Variants in PLCB4 observed in about 807,000 individuals in gnomAD.
PLCB4 encodes phospholipase C beta 4, also known as 1-phosphatidylinositol 4,5-bisphosphate phosphodiesterase beta-4.
In PLCB4, 77 loss-of-function variants were observed where a neutral mutation model predicts 178.8. The ratio of observed to expected loss-of-function variants is 0.43; its 90% CI spans 0.36 to 0.52. The LOEUF is 0.52. PLCB4 is among the 20% of genes least tolerant of loss of function. The pLI, the probability that PLCB4 is intolerant of heterozygous loss-of-function variation, is 0.00. For missense variants in PLCB4, 1,024 were observed against 1,453.4 expected, an observed-to-expected ratio of 0.70 and a Z score of 4.80; for synonymous variants, 496 against 490.8, an observed-to-expected ratio of 1.01 and a Z score of -0.14.
In PLCB4 at chr20:9,359,220, C is replaced by T. The variant is rs1000485459; in HGVS notation, c.370-3676C>T. On this transcript the variant is annotated intron_variant, in intron 7 of 39. Coordinates refer to ENST00000378473, the MANE Select transcript of PLCB4 (RefSeq NM_001377142.1). ...TTGTCTATGTCAGTCCTAATGTTCC[C>T]GGGGCAAAGGTGATAGATGGGTAAG... Among the ~76,000 whole-genome samples the T allele has an allele frequency of 1.3e-4, 20 of 152,134 alleles. No homozygotes were observed. The South Asian group carries it at 1.5e-3, about 11-fold the overall frequency.
At chr20:9,247,618 T>TA (rs1456932546) in intron 3 of PLCB4, among the ~76,000 whole-genome samples, 1 of 152,226 alleles carries the variant, frequency 6.6e-6, no homozygotes, top group African/African-American at 2.4e-5. Context: ...GTTGCTTGCA[T>TA]ATAGTGTAGT....
chr20:9,310,655 T>A (rs2094821932), intron 4 of PLCB4, among the ~76,000 whole-genome samples: 1 of 151,998 alleles, frequency 6.6e-6, no homozygotes, highest in Non-Finnish European at 1.5e-5. Context: ...GAGGGTGCAG[T>A]GAGCCAAGAT....
At chr20:9,319,538 GAGTAGGGC>G (rs771005917) in intron 4 of PLCB4, among the ~76,000 whole-genome samples, 3 of 152,126 alleles carry the variant, frequency 2.0e-5, no homozygotes, top group Non-Finnish European at 4.4e-5. Flanking sequence ...CTAGGAAAAC[GAGTAGGGC>G]AGTTCCAGTT....
chr20:9,462,582 G>A (rs544524885), intron 35 of PLCB4, among the ~76,000 whole-genome samples: 1 of 152,180 alleles, frequency 6.6e-6, no homozygotes, highest in South Asian at 2.1e-4. Flanking sequence ...ATGACCTGAC[G>A]GAGCTGAAAA....
chr20:9,421,526 C>T (rs1209472966), intron 27 of PLCB4, 65 bp downstream of exon 27: 21 of 1,309,804 alleles, frequency 1.6e-5, no homozygotes, highest in Middle Eastern at 2.5e-4. Context: ...AGTTCACAGA[C>T]GCTACACGAT....
intron 3 of PLCB4, among the ~76,000 whole-genome samples, chr20:9,224,827 A>C (rs1025441502): frequency 1.3e-5 from 2 of 152,208 alleles, no homozygotes; most frequent in Admixed American, 6.5e-5. Context: ...TAAGCTCAAC[A>C]TTCTACCAAA....
At chr20:9,325,478 A>G (rs952641624) in intron 4 of PLCB4, among the ~76,000 whole-genome samples, 2 of 152,012 alleles carry the variant, frequency 1.3e-5, no homozygotes, top group Non-Finnish European at 2.9e-5. Flanking sequence ...TAATTTCTTC[A>G]CCTCTTTTCT....
chr20:9,384,428 G>A lies in PLCB4; in HGVS notation c.1064+17G>A. 6.3e-7 allele frequency: 1 copy of A among 1,586,858 alleles called. No homozygotes were observed. Among genetic ancestry groups the A allele is most frequent in the Non-Finnish European group, 8.7e-7 (1 of 1,155,254 alleles). ...TGGTTGCAGGTGAGGAACTCAAGAT[G>A]GCAATTTGTTTTTTGTGTGTGATGC... On this transcript the variant is annotated intron_variant, in intron 14 of 39. Coordinates refer to ENST00000378473, the MANE Select transcript of PLCB4 (RefSeq NM_001377142.1).
At chr20:9,264,825 G>T (rs1018354707) in intron 3 of PLCB4, among the ~76,000 whole-genome samples, 6 of 152,110 alleles carry the variant, frequency 3.9e-5, no homozygotes, top group African/African-American at 1.4e-4. Context: ...GTGCAGCCTG[G>T]ACTGTGGGAT....
chr20:9,302,171 T>C (rs950720735), intron 3 of PLCB4, among the ~76,000 whole-genome samples: 14 of 144,072 alleles, frequency 9.7e-5, no homozygotes, highest in Non-Finnish European at 1.7e-4. Context: ...AATCAAAGCC[T>C]TTTTTTTTTT....
At chr20:9,314,033 G>A (rs1030961133) in intron 4 of PLCB4, among the ~76,000 whole-genome samples, 10 of 152,232 alleles carry the variant, frequency 6.6e-5, no homozygotes, top group African/African-American at 2.4e-4. Flanking sequence ...TCAAAGCACA[G>A]CTAAGAGGAA....
intron 2 of PLCB4, among the ~76,000 whole-genome samples, chr20:9,154,905 CTCCTTCCTTCCTTCCT>C (rs771256316): frequency 0.01 from 650 of 62,418 alleles, 9 homozygotes; most frequent in African/African-American, 0.033. Context: ...CCCTCCTTCC[CTCCTTCCTTCCTTCCT>C]TCCTTCCTTC....
intron 3 of PLCB4, among the ~76,000 whole-genome samples, chr20:9,235,743 A>G (rs1036090270): frequency 2.6e-5 from 4 of 152,250 alleles, no homozygotes; most frequent in Non-Finnish European, 5.9e-5. Context: ...TGCTTGGGCA[A>G]GACACACTTC....
At chr20:9,223,090 G>A (rs1255238543) in intron 3 of PLCB4, among the ~76,000 whole-genome samples, 1 of 152,108 alleles carries the variant, frequency 6.6e-6, no homozygotes, top group Non-Finnish European at 1.5e-5. Flanking sequence ...AGGGTAGAAA[G>A]TAGAAAAATT....
At chr20:9,172,338 T>G (rs953471619) in intron 2 of PLCB4, among the ~76,000 whole-genome samples, 1 of 152,146 alleles carries the variant, frequency 6.6e-6, no homozygotes, top group Non-Finnish European at 1.5e-5. Context: ...GTGGAATATC[T>G]TACTCATTTT....
intron 2 of PLCB4, among the ~76,000 whole-genome samples, chr20:9,214,274 C>T (rs1428457710): frequency 6.6e-6 from 1 of 152,056 alleles, no homozygotes; most frequent in Non-Finnish European, 1.5e-5. Flanking sequence ...TTCTGTGATT[C>T]ACTTGGAGCT....
chr20:9,242,375 C>G (rs2094073943), intron 3 of PLCB4, among the ~76,000 whole-genome samples: 1 of 152,192 alleles, frequency 6.6e-6, no homozygotes, highest in Admixed American at 6.5e-5. Flanking sequence ...GAAAACCTCA[C>G]AGGCTCCTTC....
At chr20:9,290,845 T>C (rs1321744632) in intron 3 of PLCB4, among the ~76,000 whole-genome samples, 1 of 152,174 alleles carries the variant, frequency 6.6e-6, no homozygotes, top group Non-Finnish European at 1.5e-5. Flanking sequence ...TGTTTATTAA[T>C]GTAAACTAAG....
Position 9,390,558 on chromosome 20 carries a change from A to C in PLCB4, c.1266A>C (p.Lys422Asn), listed in dbSNP as rs1202866187. The C allele has an allele frequency of 1.3e-6, 2 of 1,590,506 alleles. No individual in the cohort carries two copies. The highest frequency in any genetic ancestry group is 1.7e-6 in the Non-Finnish European group (2 of 1,158,670). ...AATATCAACAGTACAAGATGTCCAAATATTGCGAAGATCTATTTGGGGATC... is the reference window on the plus strand; with the variant it reads ...AATATCAACAGTACAAGATGTCCAACTATTGCGAAGATCTATTTGGGGATC... Reference protein sequence around the residue: ...CSKYQQYKMSKYCEDLFGDLL... With the variant: ...CSKYQQYKMSNYCEDLFGDLL... The change falls in exon 17 of 40, where the codon AAA becomes AAC. Residue 422 changes from lysine (K) to asparagine (N), a missense_variant. Physicochemically the swap from Lys to Asn is moderately conservative, Grantham distance 94. Around this residue, in one of 7 missense-constraint regions of PLCB4, gnomAD observed 263 missense variants for 417.4 expected, o/e 0.63. Transcript: ENST00000378473.
Sources: allele counts gnomAD v4.1 joint callset (sites outside exome capture counted in the v4.1 genomes callset), GRCh38; gene constraint gnomAD v4.1.1; regional missense constraint gnomAD v4.1.1; transcripts MANE v1.5; gene names NCBI Gene and HGNC (gene_info 2026-07-23, HGNC 2026-07-21).